Variants in GEMIN5 observed in about 807,000 individuals in gnomAD.
GEMIN5 encodes gem-associated protein 5.
GEMIN5 carries 124 observed loss-of-function variants against 176.9 expected under a neutral mutation model. The ratio of observed to expected loss-of-function variants is 0.70; its 90% CI spans 0.61 to 0.81. The LOEUF is 0.81. Among genes scored for constraint, GEMIN5 ranks in the 40% least tolerant of loss-of-function variants. The probability of loss-of-function intolerance (pLI) is 0.00; values close to 1 mark genes in which losing one functional copy is unlikely to be tolerated. For missense variants in GEMIN5, 1,843 were observed against 1,814.6 expected (o/e 1.02, Z -0.28); for synonymous variants, 673 against 665.2 (o/e 1.01, Z -0.18).
chr5:154,919,185 G>A (rs1234782058), intron 11 of GEMIN5, among the ~76,000 whole-genome samples: 1 of 152,124 alleles, frequency 6.6e-6, no homozygotes, highest in African/African-American at 2.4e-5. Flanking sequence ...ACAAAAATTA[G>A]CTGGGCATGG....
chr5:154,914,218 A>G (rs1387863600), intron 13 of GEMIN5, among the ~76,000 whole-genome samples: 1 of 152,138 alleles, frequency 6.6e-6, no homozygotes, highest in Non-Finnish European at 1.5e-5. Context: ...ACAGGGTTTC[A>G]CCATGTTGGC....
chr5:154,926,027 AGGAAG>A lies in GEMIN5; in HGVS notation c.1123_1127del (p.Leu375PhefsTer41), dbSNP rs1393973296. Reference sequence around the variant, plus strand: ...GGCTGTATGCAAACCCACCAAGGGAAGGAAGGGTCCAGCTGCACTCCAAGGTGGCT... The same window carrying A: ...GGCTGTATGCAAACCCACCAAGGGAAGGTCCAGCTGCACTCCAAGGTGGCT... On this transcript the variant is annotated frameshift_variant, in exon 8 of 28. Transcript: ENST00000285873. LOFTEE classifies it high-confidence loss of function. 6.2e-7 allele frequency: 1 copy of A among 1,613,802 alleles called. No individual in the cohort carries two copies. The highest frequency in any genetic ancestry group is 1.3e-5 in the African/African-American group (1 of 74,928).
intron 24 of GEMIN5, among the ~76,000 whole-genome samples, chr5:154,895,871 T>TA (rs547804719): frequency 2.5e-3 from 377 of 151,630 alleles, no homozygotes; most frequent in African/African-American, 7.6e-3. Flanking sequence ...TTCAAACAAC[T>TA]AAAAAAAACA....
At position 154,902,525 on chromosome 5, in the gene GEMIN5, A is replaced by G. The variant is rs753973812; in HGVS notation, c.2866+14T>C. On this transcript the variant is annotated intron_variant, in intron 20 of 27. Coordinates refer to ENST00000285873, the MANE Select transcript of GEMIN5 (RefSeq NM_015465.5). ...GAGCTTTTGTTGAAAAGAACAAACAAACAAAAACCATACCTGCTGGTGCCA... is the reference window on the plus strand; with the variant it reads ...GAGCTTTTGTTGAAAAGAACAAACAGACAAAAACCATACCTGCTGGTGCCA... The G allele has an allele frequency of 9.9e-6, 16 of 1,613,434 alleles. No homozygotes were observed. Among genetic ancestry groups the G allele is most frequent in the African/African-American group, 1.3e-5 (1 of 74,894 alleles).
Position 154,938,195 on chromosome 5 carries a change from T to G in GEMIN5, c.-62A>C. On this transcript the variant is annotated 5_prime_UTR_variant, in exon 1 of 28. Coordinates refer to ENST00000285873, the MANE Select transcript of GEMIN5 (RefSeq NM_015465.5). ...GCCGACCGCTCGTAGCCTCACGCCT[T>G]AGGTAGGGAGCGGGGCGGGGTGAAC... 7.9e-7 allele frequency: 1 copy of G among 1,258,338 alleles called. No individual in the cohort carries two copies. Among genetic ancestry groups the G allele is most frequent in the Non-Finnish European group, 1.0e-6 (1 of 979,486 alleles). The allele number at this position is 1,258,338 out of a possible 1,614,324, so 77.9% of individuals were successfully genotyped here. A position where few individuals can be genotyped will look rare whatever the true frequency, so the allele number is the denominator to read the frequency against.
chr5:154,925,948 T>C lies in GEMIN5; in HGVS notation c.1207A>G (p.Met403Val). 6.2e-7 allele frequency: 1 copy of C among 1,613,610 alleles called. No individual in the cohort carries two copies. ...GAGAGTGTATTCCATACACGGATCA[T>C]GCCATCCCCAACACCTATGGCCAAA... Reference protein sequence around the residue: ...GSLAIGVGDGMIRVWNTLSIK... With the variant: ...GSLAIGVGDGVIRVWNTLSIK... The change falls in exon 8 of 28, where the codon ATG (methionine) becomes GTG (valine). Residue 403 changes from methionine to valine, a missense_variant. Transcript: ENST00000285873.
At chr5:154,905,848 G>A (rs1763557272) in intron 16 of GEMIN5, among the ~76,000 whole-genome samples, 1 of 152,042 alleles carries the variant, frequency 6.6e-6, no homozygotes, top group Non-Finnish European at 1.5e-5. Flanking sequence ...AAGCCACCAT[G>A]CCTGGCTAAT....
rs772904174 is a variant in GEMIN5, at chr5:154,888,273, C to A, written c.4464G>T (p.Glu1488Asp). Residue 1488 changes from glutamate (E) to aspartate (D), a missense_variant, in exon 28 of 28, where the codon GAG becomes GAT. Glu to Asp is a conservative substitution (Grantham distance 45, BLOSUM62 2). Coordinates refer to ENST00000285873, the MANE Select transcript of GEMIN5 (RefSeq NM_015465.5). ...TCGTGTTGCCGTATTTCTGAAGGAG[C>A]TCTTGGGCCTGCTGCTGCATTTCCT... ...LAQEMQQQAQ[E>D]LLQKYGNTKT... The A allele has an allele frequency of 6.2e-7, 1 of 1,614,146 alleles. No homozygotes were observed. The highest frequency in any genetic ancestry group is 1.3e-5 in the African/African-American group (1 of 75,050).
At chr5:154,929,352 A>C (rs2113509262) in intron 5 of GEMIN5, among the ~76,000 whole-genome samples, 1 of 152,374 alleles carries the variant, frequency 6.6e-6, no homozygotes, top group East Asian at 1.9e-4. Context: ...TGAAAAGGAC[A>C]GAGGTTGGGA....
At chr5:154,909,750 G>GGGCAGATCAT (rs1208252073) in intron 15 of GEMIN5, among the ~76,000 whole-genome samples, 3 of 152,054 alleles carry the variant, frequency 2.0e-5, no homozygotes, top group African/African-American at 7.2e-5. Flanking sequence ...AGGCTGAGGC[G>GGGCAGATCAT]GGCAGATCAT....
Position 154,928,542 on chromosome 5 carries a change from A to C in GEMIN5, c.899T>G (p.Val300Gly). 6.2e-7 allele frequency: 1 copy of C among 1,614,150 alleles called. No individual in the cohort carries two copies. The highest frequency in any genetic ancestry group is 8.5e-7 in the Non-Finnish European group (1 of 1,179,962). ...HWPSNQPTQL[V>G]SSCFGGELLQ... ...AAAGACTTACCCAAAACAGCTAGATACCAGCTGTGTTGGTTGATTGCTGGG... is the reference window on the plus strand; with the variant it reads ...AAAGACTTACCCAAAACAGCTAGATCCCAGCTGTGTTGGTTGATTGCTGGG... The change falls in exon 6 of 28, where the codon GTA becomes GGA. Residue 300 changes from valine to glycine, a missense_variant. By Grantham distance (109) the Val-to-Gly change is moderately radical. Transcript: ENST00000285873.
Position 154,889,304 on chromosome 5 carries a change from AC to A in GEMIN5, c.4359+16del. 7.8e-7 allele frequency: 1 copy of A among 1,281,068 alleles called. No homozygotes were observed. Among genetic ancestry groups the A allele is most frequent in the Admixed American group, 1.7e-5 (1 of 59,050 alleles). 79.4% of individuals were successfully genotyped at this position (1,281,068 alleles called of 1,614,324 possible). ...CAAAAAGTGATGCTTTACCAAATGA[AC>A]TGCTTTAACTCTTACCTTAATGCTC... On this transcript the variant is annotated intron_variant, in intron 27 of 27. Coordinates refer to ENST00000285873, the MANE Select transcript of GEMIN5 (RefSeq NM_015465.5).
At chr5:154,920,227 T>A in intron 10 of GEMIN5, 124 bp from the exon 11 acceptor site, 2 of 621,378 alleles carry the variant, frequency 3.2e-6, no homozygotes, top group Non-Finnish European at 5.2e-6. Flanking sequence ...TGAAACATTC[T>A]AATACATTGG....
Position 154,898,597 on chromosome 5 carries a change from C to A in GEMIN5, c.3188G>T (p.Gly1063Val), listed in dbSNP as rs1763404707. 2 of 1,614,020 alleles carry A rather than the reference C, an allele frequency of 1.2e-6. No individual in the cohort carries two copies. Among genetic ancestry groups the A allele is most frequent in the African/African-American group, 1.3e-5 (1 of 74,910 alleles). Residue 1063 changes from glycine to valine, a missense_variant, in exon 23 of 28, where the codon GGG (glycine) becomes GTG (valine). Transcript: ENST00000285873. ...YDAAKVLAKK[G>V]DAASLRTAAE... Reference sequence around the variant, plus strand: ...AGCCGTTCTAAGTGATGCCGCATCCCCCTTTTTGGCCAAAACTTTGGCTGC... The same window carrying A: ...AGCCGTTCTAAGTGATGCCGCATCCACCTTTTTGGCCAAAACTTTGGCTGC...
intron 17 of GEMIN5, among the ~76,000 whole-genome samples, chr5:154,905,092 G>A (rs1429258797): frequency 6.6e-6 from 1 of 152,194 alleles, no homozygotes; most frequent in Non-Finnish European, 1.5e-5. Context: ...TACTCGGGAG[G>A]CTGAGGCAGG....
intron 23 of GEMIN5, among the ~76,000 whole-genome samples, chr5:154,897,335 A>G (rs959448310): frequency 2.0e-5 from 3 of 152,244 alleles, no homozygotes; most frequent in Non-Finnish European, 4.4e-5. Flanking sequence ...AAAGTTATCT[A>G]AAGTGAATCA....
Position 154,930,188 on chromosome 5 carries a change from G to A in GEMIN5, c.781+1270C>T, listed in dbSNP as rs117153755. Among the ~76,000 whole-genome samples the A allele has an allele frequency of 1.0e-3, 158 of 152,024 alleles. 2 individuals are homozygous for A. The East Asian group carries it at 0.011, about 11-fold the overall frequency. ...TTTCTCCCATCAAACCACTTACCCC[G>A]GCACTCTCTTTAAATCAGCGAATCA... is the stretch of plus-strand genomic sequence containing the variant. On this transcript the variant is annotated intron_variant, in intron 5 of 27. Transcript: ENST00000285873.
intron 24 of GEMIN5, among the ~76,000 whole-genome samples, chr5:154,895,335 G>GAA (rs1561709660): frequency 1.6e-5 from 2 of 128,848 alleles, no homozygotes; most frequent in African/African-American, 2.9e-5. Flanking sequence ...TCTCCAGAAA[G>GAA]GAAAAAAAAA....
intron 6 of GEMIN5, among the ~76,000 whole-genome samples, chr5:154,928,016 G>A (rs1334594747): frequency 6.6e-6 from 1 of 151,888 alleles, no homozygotes; most frequent in Non-Finnish European, 1.5e-5. Flanking sequence ...TTTAATCACA[G>A]AAAGGGGAAC....
Sources: allele counts gnomAD v4.1 joint callset (sites outside exome capture counted in the v4.1 genomes callset), GRCh38; gene constraint gnomAD v4.1.1; transcripts MANE v1.5; gene names NCBI Gene and HGNC (gene_info 2026-07-23, HGNC 2026-07-21).